PRKG1: variants seen among roughly 807,000 people sequenced by gnomAD.
The protein encoded by PRKG1 is protein kinase cGMP-dependent 1, also known as cGMP-dependent protein kinase 1.
PRKG1 carries 35 observed loss-of-function variants against 88.1 expected under a neutral mutation model. The ratio of observed to expected loss-of-function variants is 0.40; its 90% CI spans 0.30 to 0.53. The LOEUF (loss-of-function observed/expected upper bound fraction) is 0.53. Ranked by LOEUF, PRKG1 falls within the 20% of genes least tolerant of loss-of-function variation. The pLI, the probability that PRKG1 is intolerant of heterozygous loss-of-function variation, is 0.59. For synonymous variants in PRKG1, 303 were observed against 292.5 expected, an observed-to-expected ratio of 1.04 and a Z score of -0.37; for missense variants, 540 against 839.8, an observed-to-expected ratio of 0.64 and a Z score of 4.41.
Position 51,430,034 on chromosome 10 carries a change from G to T in PRKG1, c.479-37689G>T, listed in dbSNP as rs538632789. Among the ~76,000 whole-genome samples the T allele has an allele frequency of 3.3e-5, 5 of 151,810 alleles. No individual in the cohort carries two copies. In the East Asian group the frequency reaches 9.7e-4, roughly 29 times the overall value. The stretch of plus-strand genomic sequence containing the variant: ...ATTCAAGTATCTTAACAAACTCAGA[G>T]TGGAATAGACAGAAAGTCCTCCAAA... On this transcript the variant is annotated intron_variant, in intron 2 of 17. Transcript: ENST00000373980.
At chr10:51,882,996 A>G (rs1841474791) in intron 4 of PRKG1, among the ~76,000 whole-genome samples, 1 of 152,256 alleles carries the variant, frequency 6.6e-6, no homozygotes, top group Non-Finnish European at 1.5e-5. Context: ...GGGTGTTTCC[A>G]GAAGAGATTA....
intron 1 of PRKG1, among the ~76,000 whole-genome samples, chr10:51,133,660 G>C (rs1845623728): frequency 6.6e-6 from 1 of 152,034 alleles, no homozygotes; most frequent in African/African-American, 2.4e-5. Context: ...CTGCAGCACA[G>C]CTAATAATGA....
intron 4 of PRKG1, among the ~76,000 whole-genome samples, chr10:51,826,743 A>G (rs1839890494): frequency 6.6e-6 from 1 of 152,168 alleles, no homozygotes; most frequent in Admixed American, 6.6e-5. Flanking sequence ...ACAAAGGAGA[A>G]AGGAGGAGGG....
intron 3 of PRKG1, among the ~76,000 whole-genome samples, chr10:51,494,265 A>G (rs758551920): frequency 4.6e-5 from 7 of 152,150 alleles, no homozygotes; most frequent in Non-Finnish European, 8.8e-5. Flanking sequence ...GAAAAACTAG[A>G]GTGATTTCAA....
At chr10:51,605,343 G>A (rs577140567) in intron 3 of PRKG1, among the ~76,000 whole-genome samples, 1 of 152,280 alleles carries the variant, frequency 6.6e-6, no homozygotes, top group Admixed American at 6.5e-5. Flanking sequence ...CAGGCCCGAG[G>A]GTGGGGCCCT....
intron 4 of PRKG1, among the ~76,000 whole-genome samples, chr10:51,854,413 T>C (rs1840630350): frequency 6.6e-6 from 1 of 152,152 alleles, no homozygotes; most frequent in Non-Finnish European, 1.5e-5. Context: ...AAAGAAGGCA[T>C]AATTCACATG....
At chr10:52,009,813 C>A (rs1210112652) in intron 5 of PRKG1, among the ~76,000 whole-genome samples, 1 of 152,122 alleles carries the variant, frequency 6.6e-6, no homozygotes, top group Non-Finnish European at 1.5e-5. Flanking sequence ...AGTACTGGTT[C>A]ATAAACAAAT....
chr10:51,880,066 C>G (rs971723444), intron 4 of PRKG1, among the ~76,000 whole-genome samples: 4 of 152,170 alleles, frequency 2.6e-5, no homozygotes, highest in African/African-American at 9.7e-5. Context: ...TTTTCTCAGC[C>G]TCCACCTTTT....
At chr10:52,126,743 T>A (rs1847940161) in intron 7 of PRKG1, among the ~76,000 whole-genome samples, 1 of 152,130 alleles carries the variant, frequency 6.6e-6, no homozygotes, top group Non-Finnish European at 1.5e-5. Context: ...AATAGAAGGT[T>A]CTTAGAAGAG....
intron 2 of PRKG1, among the ~76,000 whole-genome samples, chr10:51,196,544 T>A (rs1837772302): frequency 6.6e-6 from 1 of 152,194 alleles, no homozygotes; most frequent in Non-Finnish European, 1.5e-5. Flanking sequence ...TGCATGTTAA[T>A]TGCTTAGAAC....
chr10:51,871,621 A>G (rs866627524), intron 4 of PRKG1, among the ~76,000 whole-genome samples: 16 of 152,186 alleles, frequency 1.1e-4, no homozygotes, highest in African/African-American at 3.4e-4. Flanking sequence ...ATTTCATTTC[A>G]TACAAATACA....
chr10:51,997,347 C>G (rs2454547), intron 5 of PRKG1, among the ~76,000 whole-genome samples: 102,472 of 151,094 alleles, frequency 0.68, 35,567 homozygotes, highest in East Asian at 0.9. Flanking sequence ...GGTGGGTGCC[C>G]GTAGTCCCAG....
intron 5 of PRKG1, among the ~76,000 whole-genome samples, chr10:51,991,539 G>A (rs1000354387): frequency 6.6e-6 from 1 of 151,978 alleles, no homozygotes; most frequent in Non-Finnish European, 1.5e-5. Context: ...CACTCCCCCA[G>A]CCCATGACAG....
At chr10:52,283,080 G>A (rs1156769044) in intron 14 of PRKG1, among the ~76,000 whole-genome samples, 1 of 152,032 alleles carries the variant, frequency 6.6e-6, no homozygotes, top group Non-Finnish European at 1.5e-5. Flanking sequence ...AAAAAAAACA[G>A]GAACAGTCAT....
chr10:51,852,056 G>GA (rs775527421), intron 4 of PRKG1, among the ~76,000 whole-genome samples: 2 of 151,042 alleles, frequency 1.3e-5, no homozygotes, highest in Non-Finnish European at 2.9e-5. Flanking sequence ...ACATGTTGGA[G>GA]AAAAAAACAA....
intron 13 of PRKG1, 102 bp from the exon 14 acceptor site, chr10:52,282,051 T>C: frequency 8.5e-7 from 1 of 1,173,252 alleles, no homozygotes; most frequent in Non-Finnish European, 1.2e-6. Flanking sequence ...AAAACATACA[T>C]GTTTTTAAAT....
chr10:52,069,675 T>C (rs1486484274), intron 7 of PRKG1, among the ~76,000 whole-genome samples: 1 of 152,182 alleles, frequency 6.6e-6, no homozygotes, highest in Non-Finnish European at 1.5e-5. Context: ...TCAAGCTGCT[T>C]TTGTATCCCA....
chr10:51,238,428 A>G (rs1839057867), intron 2 of PRKG1, among the ~76,000 whole-genome samples: 1 of 152,108 alleles, frequency 6.6e-6, no homozygotes, highest in South Asian at 2.1e-4. Flanking sequence ...TAAAAGTACA[A>G]AACAATTAGC....
At chr10:52,293,056 A>G (rs1842292615) in intron 17 of PRKG1, among the ~76,000 whole-genome samples, 1 of 151,958 alleles carries the variant, frequency 6.6e-6, no homozygotes, top group African/African-American at 2.4e-5. Context: ...AAGCAACTTC[A>G]GCAAAGTCTC....
Sources: gnomAD v4.1 joint callset for allele counts (sites outside exome capture counted in the v4.1 genomes callset) on GRCh38, gnomAD v4.1.1 for gene constraint, MANE v1.5 for transcripts, NCBI Gene and HGNC (gene_info 2026-07-23, HGNC 2026-07-21) for gene names.